The following DLGAP2 variants were observed in gnomAD, a reference collection of about 807,000 sequenced individuals.
The protein encoded by DLGAP2 is disks large-associated protein 2.
In DLGAP2, 26 loss-of-function variants were observed where a neutral mutation model predicts 100.3. The observed-to-expected ratio is 0.26, with a 90% confidence interval of 0.19 to 0.36. The LOEUF (loss-of-function observed/expected upper bound fraction) is 0.36. Ranked by LOEUF, DLGAP2 falls within the 10% of genes least tolerant of loss-of-function variation. The probability of loss-of-function intolerance (pLI) is 1.00; values close to 1 mark genes in which losing one functional copy is unlikely to be tolerated. For missense variants in DLGAP2, 1,858 were observed against 1,453.2 expected (o/e 1.28, Z -4.53); for synonymous variants, 886 against 630.1 (o/e 1.41, Z -6.08).
At chr8:882,058 A>G (rs946192428) in intron 1 of DLGAP2, among the ~76,000 whole-genome samples, 3 of 152,166 alleles carry the variant, frequency 2.0e-5, no homozygotes, top group African/African-American at 7.2e-5. Flanking sequence ...ATTGTGTGCC[A>G]TTGGTCACAT....
chr8:1,125,481 T>A (rs983069867), intron 2 of DLGAP2, among the ~76,000 whole-genome samples: 2 of 152,236 alleles, frequency 1.3e-5, no homozygotes, highest in Admixed American at 1.3e-4. Context: ...ATTCCTAGAT[T>A]GTGTTTGAAT....
chr8:1,524,410 A>G (rs1191323297), intron 4 of DLGAP2, among the ~76,000 whole-genome samples: 1 of 152,104 alleles, frequency 6.6e-6, no homozygotes, highest in Non-Finnish European at 1.5e-5. Context: ...CAGAACTGAA[A>G]TGCTCCCTGT....
At chr8:1,403,947 A>T (rs1385564928) in intron 3 of DLGAP2, among the ~76,000 whole-genome samples, 2 of 22,282 alleles carry the variant, frequency 9.0e-5, no homozygotes, top group Non-Finnish European at 1.5e-4. Context: ...GTGCTTACTG[A>T]GCGCCACCTC....
At chr8:788,539 T>G (rs1821940547) in intron 1 of DLGAP2, among the ~76,000 whole-genome samples, 1 of 152,306 alleles carries the variant, frequency 6.6e-6, no homozygotes, top group Non-Finnish European at 1.5e-5. Context: ...TATTTTACCC[T>G]TAGATAAGAT....
intron 2 of DLGAP2, among the ~76,000 whole-genome samples, chr8:1,207,536 C>G (rs1798021834): frequency 6.6e-6 from 1 of 152,178 alleles, no homozygotes; most frequent in Admixed American, 6.5e-5. Context: ...CATGCATGTG[C>G]AAGGATCTTT....
intron 1 of DLGAP2, among the ~76,000 whole-genome samples, chr8:742,349 A>G (rs1354783553): frequency 6.6e-6 from 1 of 152,258 alleles, no homozygotes; most frequent in African/African-American, 2.4e-5. Flanking sequence ...TAACCTGTGA[A>G]TCTGACTGAT....
chr8:1,207,584 C>G (rs1023410361), intron 2 of DLGAP2, among the ~76,000 whole-genome samples: 2 of 152,180 alleles, frequency 1.3e-5, no homozygotes, highest in Non-Finnish European at 2.9e-5. Flanking sequence ...CAGATACTCA[C>G]GAGTGGGATT....
At chr8:1,315,268 G>A (rs370362026) in intron 3 of DLGAP2, among the ~76,000 whole-genome samples, 9 of 151,408 alleles carry the variant, frequency 5.9e-5, no homozygotes, top group Non-Finnish European at 7.4e-5. Context: ...CGAGAAACTC[G>A]GCAGCGTTTA....
At chr8:1,135,417 G>A (rs1585093264) in intron 2 of DLGAP2, among the ~76,000 whole-genome samples, 2 of 151,948 alleles carry the variant, frequency 1.3e-5, no homozygotes, top group East Asian at 3.9e-4. Context: ...GTGCGTCAGT[G>A]GAGAGGCGGA....
chr8:1,666,517 T>C (rs1265700034), intron 8 of DLGAP2, among the ~76,000 whole-genome samples: 2 of 152,050 alleles, frequency 1.3e-5, no homozygotes, highest in Middle Eastern at 6.8e-3. Context: ...CCTGTCTCTA[T>C]TAAAAATACA....
At chr8:1,344,568 G>A (rs1487291367) in intron 3 of DLGAP2, among the ~76,000 whole-genome samples, 1 of 152,140 alleles carries the variant, frequency 6.6e-6, no homozygotes, top group Non-Finnish European at 1.5e-5. Flanking sequence ...AGATTCTATG[G>A]AGTAATTCCT....
In DLGAP2 at chr8:931,781, T is replaced by G. The variant is rs139669499; in HGVS notation, c.73+23815T>G. The stretch of plus-strand genomic sequence containing the variant: ...AAAAAGGGCCCCACTTGGTTTTTCT[T>G]TAAAAATCTTTGGAGTCTTATGACA... On this transcript the variant is annotated intron_variant, in intron 2 of 14. Transcript: ENST00000637795. 2.4e-4 allele frequency among the ~76,000 whole-genome samples: 36 copies of G among 152,334 alleles called. 1 individual carries two copies. The highest frequency in any genetic ancestry group is 8.2e-4 in the African/African-American group (34 of 41,582).
chr8:1,567,698 A>T (rs754877530), intron 6 of DLGAP2, among the ~76,000 whole-genome samples: 3 of 152,118 alleles, frequency 2.0e-5, no homozygotes, highest in Non-Finnish European at 4.4e-5. Flanking sequence ...AGTACTAACA[A>T]TGTTCAAAGG....
At chr8:1,560,511 A>G (rs1356744841) in intron 5 of DLGAP2, among the ~76,000 whole-genome samples, 1 of 152,154 alleles carries the variant, frequency 6.6e-6, no homozygotes, top group Non-Finnish European at 1.5e-5. Context: ...CTGATTACCA[A>G]TTCCCCAGTC....
chr8:1,007,629 T>A (rs1024137014), intron 2 of DLGAP2, among the ~76,000 whole-genome samples: 2 of 125,510 alleles, frequency 1.6e-5, no homozygotes, highest in Admixed American at 1.6e-4. Context: ...GGGTAGTTTT[T>A]TTTTTTGGGG....
chr8:748,242 GTCTGCGGTGGGATGGGGCCGGCC>G (rs1820700089), intron 1 of DLGAP2, among the ~76,000 whole-genome samples: 1 of 145,180 alleles, frequency 6.9e-6, no homozygotes, highest in Non-Finnish European at 1.5e-5. Context: ...GGATGGGCGG[GTCTGCGGTGGGATGGGGCCGGCC>G]TCTGTGGTGG....
intron 3 of DLGAP2, among the ~76,000 whole-genome samples, chr8:1,481,545 C>T (rs190285501): frequency 8.4e-6 from 1 of 118,952 alleles, no homozygotes; most frequent in Non-Finnish European, 1.6e-5. Flanking sequence ...GTGGTATGAT[C>T]TTGGATCACT....
chr8:1,210,616 C>A (rs568526222), intron 2 of DLGAP2, among the ~76,000 whole-genome samples: 3 of 152,180 alleles, frequency 2.0e-5, no homozygotes, highest in Admixed American at 1.3e-4. Flanking sequence ...GAGGGGCTCC[C>A]TCTGGGGCCT....
chr8:1,338,737 A>G (rs952027299), intron 3 of DLGAP2, among the ~76,000 whole-genome samples: 1 of 152,234 alleles, frequency 6.6e-6, no homozygotes, highest in Non-Finnish European at 1.5e-5. Flanking sequence ...TGAGCCCAGG[A>G]CACGTTGCAG....
Sources: gnomAD v4.1 joint callset for allele counts (sites outside exome capture counted in the v4.1 genomes callset) on GRCh38, gnomAD v4.1.1 for gene constraint, MANE v1.5 for transcripts, NCBI Gene and HGNC (gene_info 2026-07-23, HGNC 2026-07-21) for gene names.